LUZP2: variants seen among roughly 807,000 people sequenced by gnomAD.
The protein encoded by LUZP2 is leucine zipper protein 2.
Under a neutral mutation model 51.6 loss-of-function variants are expected in LUZP2, and 52 were observed. The observed-to-expected ratio is 1.01, with a 90% CI of 0.81 to 1.27. LUZP2 has a LOEUF of 1.27. LUZP2 is among the 50% of genes most tolerant of loss of function. The probability of loss-of-function intolerance (pLI) is 0.00; values close to 1 mark genes in which losing one functional copy is unlikely to be tolerated. For missense variants in LUZP2, 436 were observed against 395.4 expected, an observed-to-expected ratio of 1.10 and a Z score of -0.87; for synonymous variants, 154 against 137.3, an observed-to-expected ratio of 1.12 and a Z score of -0.85.
chr11:24,510,010 C>T (rs1850259660), intron 1 of LUZP2, among the ~76,000 whole-genome samples: 1 of 152,114 alleles, frequency 6.6e-6, no homozygotes, highest in Admixed American at 6.6e-5. Flanking sequence ...AATTGTTATA[C>T]ATGCTCATAA....
At chr11:25,066,877 G>A (rs1304432749) in intron 10 of LUZP2, among the ~76,000 whole-genome samples, 1 of 151,964 alleles carries the variant, frequency 6.6e-6, no homozygotes, top group Non-Finnish European at 1.5e-5. Context: ...ACCCACAAAA[G>A]GTTGTCTGTT....
chr11:24,738,493 T>C (rs1859023244), intron 4 of LUZP2, among the ~76,000 whole-genome samples, 191 bp downstream of exon 4: 1 of 152,094 alleles, frequency 6.6e-6, no homozygotes, highest in South Asian at 2.1e-4. Flanking sequence ...GTGTTTTATT[T>C]CATTATTAGG....
chr11:24,596,265 A>G (rs553565881), intron 1 of LUZP2, among the ~76,000 whole-genome samples: 1 of 152,340 alleles, frequency 6.6e-6, no homozygotes, highest in South Asian at 2.1e-4. Context: ...TTTTAAAACT[A>G]TTTCCTATGT....
At chr11:24,561,323 G>A (rs528850780) in intron 1 of LUZP2, among the ~76,000 whole-genome samples, 10 of 152,080 alleles carry the variant, frequency 6.6e-5, no homozygotes, top group East Asian at 3.9e-4. Context: ...AGTTTACTTC[G>A]TTGTCCATAG....
intron 1 of LUZP2, among the ~76,000 whole-genome samples, chr11:24,566,283 A>G (rs538393239): frequency 1.2e-4 from 18 of 150,548 alleles, no homozygotes. Flanking sequence ...GATAAAGATT[A>G]AAACATTATT....
intron 1 of LUZP2, among the ~76,000 whole-genome samples, chr11:24,569,809 A>G (rs1460580866): frequency 1.3e-5 from 2 of 152,062 alleles, no homozygotes; most frequent in Non-Finnish European, 2.9e-5. Context: ...TGGAAAAAGA[A>G]AAATGGAATA....
chr11:24,705,753 T>A (rs1214926599), intron 1 of LUZP2, among the ~76,000 whole-genome samples: 1 of 152,194 alleles, frequency 6.6e-6, no homozygotes, highest in Admixed American at 6.5e-5. Flanking sequence ...CCTGGACTGC[T>A]AAAAAGTGAC....
At chr11:25,048,666 G>T (rs1007689643) in intron 9 of LUZP2, among the ~76,000 whole-genome samples, 2 of 151,980 alleles carry the variant, frequency 1.3e-5, no homozygotes, top group Non-Finnish European at 2.9e-5. Flanking sequence ...AGAAATTAGA[G>T]GGGAGGTCAG....
intron 1 of LUZP2, among the ~76,000 whole-genome samples, chr11:24,575,991 G>T (rs766945506): frequency 1.3e-5 from 2 of 151,874 alleles, no homozygotes; most frequent in Admixed American, 6.6e-5. Flanking sequence ...CTTTATTTTA[G>T]CACAATGTCA....
intron 1 of LUZP2, among the ~76,000 whole-genome samples, chr11:24,526,952 T>C (rs1850826930): frequency 6.6e-6 from 1 of 151,380 alleles, no homozygotes; most frequent in Admixed American, 6.6e-5. Context: ...CTATCCTAGC[T>C]TACTTGAAGA....
At chr11:24,518,499 A>G (rs1177861031) in intron 1 of LUZP2, among the ~76,000 whole-genome samples, 1 of 152,138 alleles carries the variant, frequency 6.6e-6, no homozygotes. Context: ...CTCCTTTTTA[A>G]AACGAATGGA....
At chr11:24,932,883 C>T (rs1405786953) in intron 7 of LUZP2, among the ~76,000 whole-genome samples, 3 of 152,176 alleles carry the variant, frequency 2.0e-5, no homozygotes, top group Admixed American at 6.5e-5. Context: ...CTGGACGTTT[C>T]CTTCTCCCTG....
intron 1 of LUZP2, among the ~76,000 whole-genome samples, chr11:24,550,774 C>G (rs1339589527): frequency 2.6e-5 from 4 of 151,966 alleles, no homozygotes; most frequent in African/African-American, 9.7e-5. Flanking sequence ...AACTCTCCAC[C>G]AAAAATGCAT....
chr11:24,736,158 G>A (rs912169681), intron 3 of LUZP2, among the ~76,000 whole-genome samples: 2 of 151,746 alleles, frequency 1.3e-5, no homozygotes, highest in Non-Finnish European at 2.9e-5. Flanking sequence ...CAGAATGGGG[G>A]ATTTTTTTGG....
chr11:24,637,301 C>G (rs1196330325), intron 1 of LUZP2, among the ~76,000 whole-genome samples: 1 of 151,796 alleles, frequency 6.6e-6, no homozygotes. Flanking sequence ...TCTTTAATCT[C>G]TTAATCCCAT....
chr11:24,623,001 A>G (rs943131972), intron 1 of LUZP2, among the ~76,000 whole-genome samples: 1 of 152,158 alleles, frequency 6.6e-6, no homozygotes, highest in African/African-American at 2.4e-5. Flanking sequence ...CAAATGTTAC[A>G]TTTCATCAAT....
At chr11:24,682,672 T>A (rs1856781016) in intron 1 of LUZP2, among the ~76,000 whole-genome samples, 1 of 150,528 alleles carries the variant, frequency 6.6e-6, no homozygotes, top group South Asian at 2.1e-4. Context: ...ATATTTTAAA[T>A]CCATATTAAG....
At chr11:24,640,543 C>T (rs1303347722) in intron 1 of LUZP2, among the ~76,000 whole-genome samples, 15 of 151,868 alleles carry the variant, frequency 9.9e-5, no homozygotes, top group Admixed American at 9.2e-4. Context: ...TCTATAAAAA[C>T]ATGGCATGTA....
chr11:24,527,850 A>G (rs954506649), intron 1 of LUZP2, among the ~76,000 whole-genome samples: 3 of 151,366 alleles, frequency 2.0e-5, no homozygotes, highest in Non-Finnish European at 4.4e-5. Flanking sequence ...AGTCCTAAAA[A>G]TCTTTCAGAC....
Sources: allele counts gnomAD v4.1 joint callset (sites outside exome capture counted in the v4.1 genomes callset), GRCh38; gene constraint gnomAD v4.1.1; transcripts MANE v1.5; gene names NCBI Gene and HGNC (gene_info 2026-07-23, HGNC 2026-07-21).